Variants in SOX6 observed in about 807,000 individuals in gnomAD.
SOX6 encodes SRY-box transcription factor 6, also known as transcription factor SOX-6.
In SOX6, 11 loss-of-function variants were observed where a neutral mutation model predicts 97.8. The ratio of observed to expected loss-of-function variants is 0.11; its 90% CI spans 0.07 to 0.19. The LOEUF is 0.19. Among genes scored for constraint, SOX6 ranks in the 10% least tolerant of loss-of-function variants. The pLI is 1.00. For missense variants in SOX6, 810 were observed against 1,039.5 expected (o/e 0.78, Z 3.04); for synonymous variants, 360 against 371.4 (o/e 0.97, Z 0.35).
Position 16,137,650 on chromosome 11 carries a change from T to C in SOX6, c.778-25727A>G, listed in dbSNP as rs549151242. Among the ~76,000 whole-genome samples the C allele has an allele frequency of 2.0e-5, 3 of 152,288 alleles. No homozygotes were observed. In the South Asian group the frequency reaches 6.2e-4, roughly 32 times the overall value. ...CCTTAAGGAATCAAGGTGAAAACTA[T>C]CTAAAAGATATGGAAATTATCTGAC... On this transcript the variant is annotated intron_variant, in intron 6 of 15. Coordinates refer to ENST00000683767, the MANE Select transcript of SOX6 (RefSeq NM_001367873.1).
At chr11:16,201,568 T>C (rs537188593) in intron 4 of SOX6, among the ~76,000 whole-genome samples, 2 of 150,560 alleles carry the variant, frequency 1.3e-5, no homozygotes, top group Admixed American at 6.6e-5. Flanking sequence ...AATGTATAGG[T>C]TCTAATAATC....
intron 1 of SOX6, among the ~76,000 whole-genome samples, chr11:16,442,694 T>C (rs1859527858): frequency 6.6e-6 from 1 of 152,120 alleles, no homozygotes. Flanking sequence ...AAAAGGACCA[T>C]TTTAAGGAAA....
At chr11:15,977,928 A>G (rs1449858852) in intron 15 of SOX6, among the ~76,000 whole-genome samples, 1 of 151,930 alleles carries the variant, frequency 6.6e-6, no homozygotes, top group Non-Finnish European at 1.5e-5. Context: ...ACTTTTCACA[A>G]ACTCCCACTG....
chr11:16,509,312 C>T (rs1036797789), intron 4 of SOX6, among the ~76,000 whole-genome samples: 5 of 151,816 alleles, frequency 3.3e-5, no homozygotes, highest in Admixed American at 3.3e-4. Flanking sequence ...TAAAGGTTAT[C>T]TGGCAAAGCT....
At chr11:15,990,544 A>G (rs1057240232) in intron 13 of SOX6, among the ~76,000 whole-genome samples, 5 of 152,126 alleles carry the variant, frequency 3.3e-5, no homozygotes, top group Non-Finnish European at 7.3e-5. Context: ...TTCAATTAGT[A>G]AAATATGTTA....
chr11:16,368,841 T>C (rs1030177896), intron 1 of SOX6, among the ~76,000 whole-genome samples: 1 of 152,034 alleles, frequency 6.6e-6, no homozygotes, highest in African/African-American at 2.4e-5. Context: ...TAATAACGGG[T>C]GAGTATGTAG....
chr11:16,719,392 C>T (rs1411063490), intron 2 of SOX6, among the ~76,000 whole-genome samples: 1 of 152,154 alleles, frequency 6.6e-6, no homozygotes, highest in African/African-American at 2.4e-5. Flanking sequence ...CAAAAGTACA[C>T]ACTCATTTAG....
intron 3 of SOX6, among the ~76,000 whole-genome samples, chr11:16,639,989 G>A (rs1426408969): frequency 1.3e-5 from 2 of 152,110 alleles, no homozygotes; most frequent in African/African-American, 2.4e-5. Context: ...TCTTGTGCCA[G>A]TTTTCAAAGG....
chr11:16,313,324 T>A (rs760748847), intron 3 of SOX6: 3 of 152,166 alleles, frequency 2.0e-5, no homozygotes, highest in Non-Finnish European at 4.4e-5. Context: ...TTTAGTCTGA[T>A]AAAGAGTAAA....
rs996568638 is a variant in SOX6, at chr11:16,563,306, G to A, written n.609+48775C>T. On this transcript the variant is annotated intron_variant and non_coding_transcript_variant, in intron 4 of 5. Transcript: ENST00000524520. ...GTAAATTTTTTAAAATAGCTGGTTC[G>A]GGTTGGTGCATGCGTTTAGTTCTAG... Among the ~76,000 whole-genome samples the A allele has an allele frequency of 3.3e-5, 5 of 152,050 alleles. No homozygotes were observed. The East Asian group carries it at 5.8e-4, about 18-fold the overall frequency.
chr11:16,665,341 T>C (rs566569894), intron 3 of SOX6, among the ~76,000 whole-genome samples: 32 of 152,150 alleles, frequency 2.1e-4, no homozygotes, highest in African/African-American at 7.5e-4. Flanking sequence ...CCAGGCCTGG[T>C]AGCATTCACC....
At chr11:16,063,023 A>T (rs1376618263) in intron 9 of SOX6, among the ~76,000 whole-genome samples, 2 of 151,760 alleles carry the variant, frequency 1.3e-5, no homozygotes, top group Non-Finnish European at 3.0e-5. Flanking sequence ...ATCACTTAAA[A>T]GTAGAAATGG....
chr11:16,606,954 G>A (rs1302910742), intron 4 of SOX6, among the ~76,000 whole-genome samples: 1 of 152,006 alleles, frequency 6.6e-6, no homozygotes, highest in African/African-American at 2.4e-5. Flanking sequence ...GCGGGCGCCC[G>A]GGCCCCTTTC....
intron 13 of SOX6, among the ~76,000 whole-genome samples, chr11:16,010,748 T>C (rs1854693265): frequency 6.6e-6 from 1 of 151,892 alleles, no homozygotes; most frequent in Admixed American, 6.6e-5. Context: ...GATCTTCTCA[T>C]TAATAAAAAC....
intron 3 of SOX6, among the ~76,000 whole-genome samples, chr11:16,262,746 A>G (rs1435965484): frequency 6.6e-6 from 1 of 152,062 alleles, no homozygotes; most frequent in East Asian, 1.9e-4. Flanking sequence ...ACTCAACCAA[A>G]GGAAGAAAAA....
At chr11:16,676,222 C>T (rs916275565) in intron 3 of SOX6, among the ~76,000 whole-genome samples, 3 of 152,194 alleles carry the variant, frequency 2.0e-5, no homozygotes, top group Admixed American at 1.3e-4. Context: ...AGTTATTATG[C>T]TTCTCAACAC....
chr11:16,172,730 C>T (rs561807531), intron 6 of SOX6, among the ~76,000 whole-genome samples: 2 of 152,070 alleles, frequency 1.3e-5, no homozygotes, highest in East Asian at 1.9e-4. Context: ...TAATCCTGAA[C>T]AATAATCCTT....
At chr11:16,606,354 A>G (rs1256785181) in intron 4 of SOX6, among the ~76,000 whole-genome samples, 3 of 152,046 alleles carry the variant, frequency 2.0e-5, no homozygotes, top group Non-Finnish European at 4.4e-5. Context: ...CAAGAGATAC[A>G]GCGCTCACAA....
intron 4 of SOX6, among the ~76,000 whole-genome samples, chr11:16,540,850 T>C (rs923234223): frequency 6.6e-6 from 1 of 152,226 alleles, no homozygotes; most frequent in South Asian, 2.1e-4. Flanking sequence ...GAACACTCCA[T>C]GCTCATGGGT....
Sources: gnomAD v4.1 joint callset for allele counts (sites outside exome capture counted in the v4.1 genomes callset) on GRCh38, gnomAD v4.1.1 for gene constraint, MANE v1.5 for transcripts, NCBI Gene and HGNC (gene_info 2026-07-23, HGNC 2026-07-21) for gene names.